Variants in ZSCAN25 observed in about 807,000 individuals in gnomAD.
ZSCAN25 encodes zinc finger and SCAN domain-containing protein 25.
In ZSCAN25, 27 loss-of-function variants were observed where a neutral mutation model predicts 38.7. The observed-to-expected ratio is 0.70, with a 90% CI of 0.51 to 0.96. The LOEUF is 0.96. ZSCAN25 is among the 40% of genes least tolerant of loss of function. The pLI, the probability that ZSCAN25 is intolerant of heterozygous loss-of-function variation, is 0.00. For missense variants in ZSCAN25, 637 were observed against 705.9 expected, an observed-to-expected ratio of 0.90 and a Z score of 1.11; for synonymous variants, 273 against 277.7, an observed-to-expected ratio of 0.98 and a Z score of 0.17.
intron 7 of ZSCAN25, among the ~76,000 whole-genome samples, chr7:99,625,568 G>T (rs936321459): frequency 1.3e-5 from 2 of 152,184 alleles, no homozygotes; most frequent in Admixed American, 6.5e-5. Context: ...CATACTTTAT[G>T]TGGAGATGTG....
At chr7:99,716,302 C>T in the ZSCAN25 span, among the ~76,000 whole-genome samples, 3 of 152,150 alleles carry the variant, frequency 2.0e-5, no homozygotes, top group Admixed American at 6.5e-5. Flanking sequence ...AGACAGGTGA[C>T]ATTGCCTGAC....
chr7:99,714,418 T>G, the ZSCAN25 span: 2 of 1,374,348 alleles, frequency 1.5e-6, no homozygotes, highest in South Asian at 2.8e-5. Context: ...CCAAATGAAT[T>G]ATCTTGCTCT....
the ZSCAN25 span, chr7:99,672,495 C>G: frequency 8.3e-7 from 1 of 1,202,510 alleles, no homozygotes; most frequent in Non-Finnish European, 1.2e-6. Context: ...TTTTAGGTAA[C>G]CTTCTGTGAA....
At chr7:99,699,840 G>C in the ZSCAN25 span, 5 of 661,230 alleles carry the variant, frequency 7.6e-6, no homozygotes, top group Non-Finnish European at 1.4e-5. Context: ...TGTGTTTGTA[G>C]CATCCAAGAA....
chr7:99,621,797 A>G (rs920834081), intron 5 of ZSCAN25: 4 of 387,840 alleles, frequency 1.0e-5, no homozygotes, highest in African/African-American at 2.1e-5. Flanking sequence ...ATGCTTTCTT[A>G]TTATTTCTCT....
intron 7 of ZSCAN25, 112 bp downstream of exon 7, chr7:99,624,292 C>A: frequency 2.8e-6 from 4 of 1,421,514 alleles, no homozygotes; most frequent in Non-Finnish European, 3.9e-6. Context: ...TCATGGCAGG[C>A]GGGTAAATGG....
the ZSCAN25 span, chr7:99,709,394 A>G: frequency 6.5e-6 from 9 of 1,376,082 alleles, no homozygotes; most frequent in South Asian, 7.7e-5. Flanking sequence ...AGCATTCATA[A>G]AGTATTTTAA....
At chr7:99,688,806 T>A in the ZSCAN25 span, among the ~76,000 whole-genome samples, 1 of 152,120 alleles carries the variant, frequency 6.6e-6, no homozygotes, top group African/African-American at 2.4e-5. Context: ...ACAGAAATTA[T>A]AACAAACTGT....
chr7:99,624,311 C>T (rs138983688), intron 7 of ZSCAN25, 131 bp downstream of exon 7: 185 of 1,136,706 alleles, frequency 1.6e-4, no homozygotes, highest in South Asian at 4.5e-4. Context: ...GGGTCCAGCA[C>T]GGACCATGGG....
chr7:99,621,598 G>C, intron 5 of ZSCAN25, 24 bp downstream of exon 5: 1 of 1,363,656 alleles, frequency 7.3e-7, no homozygotes, highest in Non-Finnish European at 9.6e-7. Context: ...AGATAGTGGG[G>C]ATGTCAGGTC....
the ZSCAN25 span, among the ~76,000 whole-genome samples, chr7:99,679,556 A>T: frequency 6.6e-6 from 1 of 152,136 alleles, no homozygotes; most frequent in African/African-American, 2.4e-5. Context: ...TCTTCGTCAG[A>T]TCTAAGCTAA....
chr7:99,735,736 A>G, the ZSCAN25 span, among the ~76,000 whole-genome samples: 35 of 152,030 alleles, frequency 2.3e-4, no homozygotes, highest in South Asian at 3.9e-3. Context: ...CTTTACCACC[A>G]TTGTGTGTTT....
At chr7:99,632,944 C>T (rs1028419211), downstream of ZSCAN25, among the ~76,000 whole-genome samples, 2 of 149,060 alleles carry the variant, frequency 1.3e-5, no homozygotes, top group African/African-American at 2.5e-5. Context: ...TTAAAAAACT[C>T]GATCATTTAT....
At chr7:99,685,208 G>A in the ZSCAN25 span, 2 of 1,613,630 alleles carry the variant, frequency 1.2e-6, no homozygotes, top group Non-Finnish European at 1.7e-6. Flanking sequence ...GGTTGAAGAA[G>A]TCCTCCTAAG....
the ZSCAN25 span, among the ~76,000 whole-genome samples, chr7:99,657,189 A>G: frequency 2.6e-5 from 4 of 152,288 alleles, no homozygotes; most frequent in African/African-American, 9.6e-5. Flanking sequence ...TGTCAATGTT[A>G]GATCTTTCCT....
the ZSCAN25 span, chr7:99,665,228 A>C: frequency 3.5e-4 from 572 of 1,614,052 alleles, 1 homozygote; most frequent in Non-Finnish European, 4.5e-4. Flanking sequence ...GCTCTCCACA[A>C]AGGGGTCTTG....
chr7:99,687,134 A>G, the ZSCAN25 span, among the ~76,000 whole-genome samples: 7 of 152,250 alleles, frequency 4.6e-5, no homozygotes, highest in Non-Finnish European at 1.0e-4. Flanking sequence ...CTCCAAAGGA[A>G]TGCAGCTCCT....
the ZSCAN25 span, chr7:99,663,960 G>T: frequency 5.1e-6 from 8 of 1,579,864 alleles, no homozygotes; most frequent in African/African-American, 5.5e-5. Flanking sequence ...ACCACCATCA[G>T]ATTTTACCTT....
chr7:99,624,712 A>G (rs1220969865), intron 7 of ZSCAN25, among the ~76,000 whole-genome samples: 29 of 152,186 alleles, frequency 1.9e-4, no homozygotes, highest in Non-Finnish European at 2.9e-5. Flanking sequence ...GCTGGGACTC[A>G]GGTGGTGGCT....
Sources: gnomAD v4.1 joint callset for allele counts (sites outside exome capture counted in the v4.1 genomes callset) on GRCh38, gnomAD v4.1.1 for gene constraint, MANE v1.5 for transcripts, NCBI Gene and HGNC (gene_info 2026-07-23, HGNC 2026-07-21) for gene names.